SSBP2: variants seen among roughly 807,000 people sequenced by gnomAD.
SSBP2 encodes the protein single stranded DNA binding protein 2, also known as single-stranded DNA-binding protein 2.
Under a neutral mutation model 61.8 loss-of-function variants are expected in SSBP2, and 17 were observed. That is an observed-to-expected ratio of 0.28 (90% CI 0.19 to 0.41). The LOEUF (loss-of-function observed/expected upper bound fraction) is 0.41. Ranked by LOEUF, SSBP2 falls within the 10% of genes least tolerant of loss-of-function variation. The pLI is 1.00. For missense variants in SSBP2, 310 were observed against 458.7 expected, an observed-to-expected ratio of 0.68 and a Z score of 2.96; for synonymous variants, 139 against 141.3, an observed-to-expected ratio of 0.98 and a Z score of 0.12.
intron 13 of SSBP2, among the ~76,000 whole-genome samples, chr5:81,441,758 A>AGGTT (rs1763054112): frequency 6.6e-6 from 1 of 152,228 alleles, no homozygotes; most frequent in Non-Finnish European, 1.5e-5. Context: ...AAAAGCACGT[A>AGGTT]GGTTGGTGTT....
At chr5:81,438,348 C>CAAAAAAAAAAAAAAAAAAAAAAAAAAAA in intron 14 of SSBP2, among the ~76,000 whole-genome samples, 1 of 104,812 alleles carries the variant, frequency 9.5e-6, no homozygotes, top group Admixed American at 9.7e-5. Flanking sequence ...GAGACTGTCT[C>CAAAAAAAAAAAAAAAAAAAAAAAAAAAA]AAAAAAAAAA....
chr5:81,554,228 T>C (rs962745172), intron 4 of SSBP2, among the ~76,000 whole-genome samples: 3 of 152,142 alleles, frequency 2.0e-5, no homozygotes, highest in Middle Eastern at 3.4e-3. Context: ...TTTTAGTCCA[T>C]TGTCAAACAA....
chr5:81,510,680 G>A (rs1342970803), intron 5 of SSBP2, among the ~76,000 whole-genome samples: 1 of 151,872 alleles, frequency 6.6e-6, no homozygotes, highest in African/African-American at 2.4e-5. Context: ...AGACTCGCTT[G>A]AACCCAGAAG....
chr5:81,710,242 C>T (rs1347598), intron 1 of SSBP2, among the ~76,000 whole-genome samples: 52,968 of 151,822 alleles, frequency 0.35, 9,510 homozygotes, highest in East Asian at 0.48. Context: ...AGTAGACAGA[C>T]GAGGATTGTC....
chr5:81,712,650 G>A (rs1222338229), intron 1 of SSBP2, among the ~76,000 whole-genome samples: 2 of 151,268 alleles, frequency 1.3e-5, no homozygotes, highest in East Asian at 3.9e-4. Context: ...TCTGGCTAAG[G>A]ATGGTAGGTT....
chr5:81,477,762 G>A (rs559736619), intron 6 of SSBP2, among the ~76,000 whole-genome samples: 4 of 152,104 alleles, frequency 2.6e-5, no homozygotes, highest in South Asian at 2.1e-4. Flanking sequence ...TGTAAACTCC[G>A]CAAAAGTAGG....
chr5:81,668,191 T>G (rs541443770), intron 1 of SSBP2, among the ~76,000 whole-genome samples: 1 of 122,640 alleles, frequency 8.2e-6, no homozygotes, highest in South Asian at 2.6e-4. Flanking sequence ...CCAATAAATA[T>G]AATGCATCAA....
intron 1 of SSBP2, among the ~76,000 whole-genome samples, chr5:81,654,752 C>T (rs766759673): frequency 9.2e-5 from 14 of 152,088 alleles, no homozygotes; most frequent in Non-Finnish European, 1.5e-4. Flanking sequence ...CAAATGATTC[C>T]GGCAGAGGGG....
chr5:81,513,746 A>G (rs751419774), intron 4 of SSBP2, 29 bp from the exon 5 acceptor site: 17 of 1,484,798 alleles, frequency 1.1e-5, no homozygotes, highest in Admixed American at 3.5e-5. Flanking sequence ...AAACAAACCT[A>G]TATCATTACA....
chr5:81,667,765 A>G (rs1751270759), intron 1 of SSBP2, among the ~76,000 whole-genome samples: 1 of 152,208 alleles, frequency 6.6e-6, no homozygotes, highest in African/African-American at 2.4e-5. Context: ...AGAAAACAAT[A>G]TGAAGCACAA....
chr5:81,507,538 ATTAG>A (rs1311728786), intron 5 of SSBP2, among the ~76,000 whole-genome samples: 1 of 152,130 alleles, frequency 6.6e-6, no homozygotes, highest in Non-Finnish European at 1.5e-5. Flanking sequence ...TATATCCCAG[ATTAG>A]TTACAGAATC....
intron 9 of SSBP2, among the ~76,000 whole-genome samples, chr5:81,464,570 TTAGAA>T (rs1237821775): frequency 6.6e-6 from 1 of 152,092 alleles, no homozygotes; most frequent in East Asian, 1.9e-4. Context: ...CAGTTGTCAG[TTAGAA>T]TATAGTCTTT....
At chr5:81,530,876 A>C (rs1385279660) in intron 4 of SSBP2, among the ~76,000 whole-genome samples, 3 of 152,112 alleles carry the variant, frequency 2.0e-5, no homozygotes, top group East Asian at 3.9e-4. Flanking sequence ...TAGGTATTCA[A>C]AAAAGAATTT....
chr5:81,646,319 A>G (rs1420587108), intron 2 of SSBP2, among the ~76,000 whole-genome samples: 1 of 152,188 alleles, frequency 6.6e-6, no homozygotes, highest in Non-Finnish European at 1.5e-5. Context: ...GGATAATGTT[A>G]TAATAATTGA....
rs184769102 is a variant in SSBP2 at position 81,488,754 on chromosome 5, C to T, written c.432+496G>A. ...GTGTGTGATGTTCCCCTTCCTGTGTCCATGTGTTCTCACTGTTCAATTTTC... is the reference window on the plus strand; with the variant it reads ...GTGTGTGATGTTCCCCTTCCTGTGTTCATGTGTTCTCACTGTTCAATTTTC... On this transcript the variant is annotated intron_variant, in intron 6 of 16. Transcript: ENST00000320672. Among the ~76,000 whole-genome samples, 1,051 of 137,384 alleles carry T rather than the reference C, an allele frequency of 7.7e-3. 9 individuals carry two copies. The highest frequency in any genetic ancestry group is 0.026 in the African/African-American group (948 of 36,648). 90.1% of individuals were successfully genotyped at this position (137,384 alleles called of 152,430 possible).
rs1762334247 is a variant in SSBP2, at chr5:81,432,219, G to A, written c.958-3536C>T. The stretch of plus-strand genomic sequence containing the variant: ...CTCAGGTCAGCACACATGAGATGAT[G>A]GTGTAGATCTCTAGTCATCTACCAG... On this transcript the variant is annotated intron_variant, in intron 15 of 16. Transcript: ENST00000320672. Among the ~76,000 whole-genome samples, 4 of 151,894 alleles carry A rather than the reference G, an allele frequency of 2.6e-5. No individual in the cohort carries two copies. In the South Asian group the frequency reaches 8.4e-4, roughly 32 times the overall value.
chr5:81,512,647 C>CT (rs1768705819), intron 5 of SSBP2, among the ~76,000 whole-genome samples: 1 of 152,014 alleles, frequency 6.6e-6, no homozygotes, highest in African/African-American at 2.4e-5. Flanking sequence ...TAATTAAGAC[C>CT]TTTTATTCAA....
chr5:81,673,391 C>T (rs899667177), intron 1 of SSBP2, among the ~76,000 whole-genome samples: 1 of 152,090 alleles, frequency 6.6e-6, no homozygotes, highest in African/African-American at 2.4e-5. Flanking sequence ...AAATACTGCA[C>T]TAAATCCATT....
At chr5:81,565,114 G>A (rs73766275) in intron 4 of SSBP2, among the ~76,000 whole-genome samples, 6,356 of 152,026 alleles carry the variant, frequency 0.042, 440 homozygotes, top group African/African-American at 0.14. Context: ...TTAATAATTC[G>A]TTATAATAAA....
Sources: allele counts gnomAD v4.1 joint callset (sites outside exome capture counted in the v4.1 genomes callset), GRCh38; gene constraint gnomAD v4.1.1; transcripts MANE v1.5; gene names NCBI Gene and HGNC (gene_info 2026-07-23, HGNC 2026-07-21).